The following WWOX variants were observed in gnomAD, a reference collection of about 807,000 sequenced individuals.
WWOX encodes WW domain containing oxidoreductase.
In WWOX, 69 loss-of-function variants were observed where a neutral mutation model predicts 46.2. The observed-to-expected ratio is 1.49, with a 90% CI of 1.23 to 1.82. The LOEUF (loss-of-function observed/expected upper bound fraction) is 1.82. WWOX is among the 40% of genes most tolerant of loss of function. WWOX has a pLI of 0.00. For synonymous variants in WWOX, 359 were observed against 202.6 expected (o/e 1.77, Z -6.56); for missense variants, 919 against 542.6 (o/e 1.69, Z -6.89).
chr16:79,078,496 G>A (rs1317110177), intron 8 of WWOX, among the ~76,000 whole-genome samples: 1 of 152,170 alleles, frequency 6.6e-6, no homozygotes, highest in Non-Finnish European at 1.5e-5. Context: ...ATTTCTCTCT[G>A]TAGGTGTCCT....
intron 8 of WWOX, among the ~76,000 whole-genome samples, chr16:78,821,856 C>G (rs1319647141): frequency 6.6e-6 from 1 of 152,152 alleles, no homozygotes; most frequent in African/African-American, 2.4e-5. Context: ...ATTCTCATCT[C>G]CAATTCCCAT....
In WWOX at chr16:78,349,118, G is replaced by C. The variant is rs570261249; in HGVS notation, c.517-37742G>C. ...TTCCGGCACAGTTGATGTCTTCTGAGGTCTACCTCGTCTGCTTGCAGACAG... is the reference window on the plus strand; with the variant it reads ...TTCCGGCACAGTTGATGTCTTCTGACGTCTACCTCGTCTGCTTGCAGACAG... On this transcript the variant is annotated intron_variant, in intron 5 of 8. Transcript: ENST00000566780. 4.2e-5 allele frequency among the ~76,000 whole-genome samples: 5 copies of C among 120,296 alleles called. 1 individual carries two copies. Among genetic ancestry groups the C allele is most frequent in the African/African-American group, 1.4e-4 (5 of 35,484 alleles). 78.9% of individuals were successfully genotyped at this position (120,296 alleles called of 152,430 possible).
intron 8 of WWOX, among the ~76,000 whole-genome samples, chr16:78,954,755 A>C (rs2046130892): frequency 8.5e-5 from 13 of 152,086 alleles, no homozygotes; most frequent in Admixed American, 8.5e-4. Flanking sequence ...TGGGGAAGCA[A>C]AGCTACATGA....
rs577945712 is a variant in WWOX at position 78,964,155 on chromosome 16, G to A, written c.1057-247453G>A. Among the ~76,000 whole-genome samples the A allele has an allele frequency of 4.3e-4, 66 of 152,264 alleles. No homozygotes were observed. The South Asian group carries it at 0.013, about 29-fold the overall frequency. Reference sequence around the variant, plus strand: ...GGTACCAGTAGAGTGGGGCATTGCTGAAAAGATATCTGAAAATGTGGAAGT... The same window carrying A: ...GGTACCAGTAGAGTGGGGCATTGCTAAAAAGATATCTGAAAATGTGGAAGT... On this transcript the variant is annotated intron_variant, in intron 8 of 8. Transcript: ENST00000566780.
At chr16:78,138,519 GAA>G (rs2033877484) in intron 4 of WWOX, among the ~76,000 whole-genome samples, 1 of 152,152 alleles carries the variant, frequency 6.6e-6, no homozygotes, top group African/African-American at 2.4e-5. Flanking sequence ...CCATATGAGA[GAA>G]TAGGGAAAAT....
intron 8 of WWOX, among the ~76,000 whole-genome samples, chr16:79,194,470 A>G (rs2051198492): frequency 6.6e-6 from 1 of 152,154 alleles, no homozygotes; most frequent in South Asian, 2.1e-4. Flanking sequence ...CTGGTTATGA[A>G]CTCACAGAGG....
intron 8 of WWOX, among the ~76,000 whole-genome samples, chr16:78,792,574 C>G (rs1030106784): frequency 1.3e-5 from 2 of 152,128 alleles, no homozygotes; most frequent in Non-Finnish European, 2.9e-5. Context: ...ACAAATTTGT[C>G]ACATCACACT....
At chr16:79,206,798 T>A (rs952586733) in intron 8 of WWOX, 2 of 152,180 alleles carry the variant, frequency 1.3e-5, no homozygotes, top group Non-Finnish European at 2.9e-5. Context: ...ACTGGTGTGG[T>A]CACCTAGCCA....
chr16:78,989,037 T>A (rs554906170), intron 8 of WWOX, among the ~76,000 whole-genome samples: 28 of 152,296 alleles, frequency 1.8e-4, no homozygotes, highest in African/African-American at 6.7e-4. Flanking sequence ...CATCCTGAGT[T>A]CGATGATTCA....
At chr16:78,781,947 T>C (rs1299819133) in intron 8 of WWOX, among the ~76,000 whole-genome samples, 2 of 152,196 alleles carry the variant, frequency 1.3e-5, no homozygotes, top group African/African-American at 2.4e-5. Context: ...AACATTATTC[T>C]CTTCATTCTC....
chr16:78,595,194 A>T (rs990176663), intron 8 of WWOX, among the ~76,000 whole-genome samples: 2 of 152,348 alleles, frequency 1.3e-5, no homozygotes, highest in Middle Eastern at 3.4e-3. Flanking sequence ...GCTGCTGCTG[A>T]AATAGATTTG....
intron 8 of WWOX, among the ~76,000 whole-genome samples, chr16:78,578,618 C>G (rs938636320): frequency 6.6e-6 from 1 of 152,032 alleles, no homozygotes; most frequent in Non-Finnish European, 1.5e-5. Context: ...CAAACATACA[C>G]ACACGCACAC....
chr16:78,699,356 G>A (rs1052965976), intron 8 of WWOX, among the ~76,000 whole-genome samples: 5 of 148,334 alleles, frequency 3.4e-5, no homozygotes, highest in East Asian at 1.9e-4. Flanking sequence ...TGGTGAAGCC[G>A]TGTTTCTACA....
intron 8 of WWOX, among the ~76,000 whole-genome samples, chr16:79,066,677 C>T (rs929907970): frequency 2.6e-5 from 4 of 152,224 alleles, no homozygotes; most frequent in Admixed American, 6.5e-5. Context: ...ATTCAATCGG[C>T]GAATTTGCAT....
At chr16:78,806,859 C>A (rs949017154) in intron 8 of WWOX, among the ~76,000 whole-genome samples, 1 of 152,132 alleles carries the variant, frequency 6.6e-6, no homozygotes, top group Non-Finnish European at 1.5e-5. Context: ...CAGTCTGCCA[C>A]ATAAGCAAAC....
At chr16:79,022,736 TG>T (rs1326725397) in intron 8 of WWOX, among the ~76,000 whole-genome samples, 1 of 152,172 alleles carries the variant, frequency 6.6e-6, no homozygotes, top group East Asian at 1.9e-4. Context: ...GAAGAGGCAG[TG>T]GCCCCCCACC....
intron 8 of WWOX, among the ~76,000 whole-genome samples, chr16:78,538,159 C>T (rs1177094298): frequency 7.1e-6 from 1 of 141,488 alleles, no homozygotes; most frequent in Non-Finnish European, 1.5e-5. Flanking sequence ...ATTGCCAGTC[C>T]ATTCTCTAGC....
At chr16:78,615,837 G>C (rs1464918187) in intron 8 of WWOX, among the ~76,000 whole-genome samples, 1 of 150,996 alleles carries the variant, frequency 6.6e-6, no homozygotes, top group African/African-American at 2.4e-5. Flanking sequence ...TGTAAGCTCC[G>C]CCTCCCGAGT....
rs189774161 is a variant in WWOX, at chr16:79,061,824, G to C, written c.1057-149784G>C. ...TGTCAGGCTCTGTACTGGGTTCTTT[G>C]AGTATACTCACCACCTCCTGACAAG... On this transcript the variant is annotated intron_variant, in intron 8 of 8. Transcript: ENST00000566780. 1.8e-3 allele frequency among the ~76,000 whole-genome samples: 270 copies of C among 150,700 alleles called. 2 individuals carry two copies. The highest frequency in any genetic ancestry group is 1.7e-3 in the Admixed American group (26 of 15,104).
Sources: allele counts gnomAD v4.1 joint callset (sites outside exome capture counted in the v4.1 genomes callset), GRCh38; gene constraint gnomAD v4.1.1; transcripts MANE v1.5; gene names NCBI Gene and HGNC (gene_info 2026-07-23, HGNC 2026-07-21).